Variants in CIT observed in about 807,000 individuals in gnomAD.
The protein encoded by CIT is citron rho-interacting serine/threonine kinase.
CIT carries 79 observed loss-of-function variants against 272.7 expected under a neutral mutation model. The ratio of observed to expected loss-of-function variants is 0.29; its 90% CI spans 0.24 to 0.35. The LOEUF is 0.35. Among genes scored for constraint, CIT ranks in the 10% least tolerant of loss-of-function variants. The pLI is 1.00. For synonymous variants in CIT, 948 were observed against 995.6 expected, an observed-to-expected ratio of 0.95 and a Z score of 0.90; for missense variants, 1,909 against 2,618.3, an observed-to-expected ratio of 0.73 and a Z score of 5.91.
chr12:119,754,811 C>T lies in CIT; in HGVS notation c.2706+2560G>A, dbSNP rs58145136. Among the ~76,000 whole-genome samples the T allele has an allele frequency of 4.1e-3, 626 of 152,316 alleles. 3 individuals carry two copies. Among genetic ancestry groups the T allele is most frequent in the African/African-American group, 0.015 (603 of 41,558 alleles). On this transcript the variant is annotated intron_variant, in intron 22 of 47. Coordinates refer to ENST00000392521, the MANE Select transcript of CIT (RefSeq NM_001206999.2). The stretch of plus-strand genomic sequence containing the variant: ...TCTCTTACCATCCTTGAGGGGCTGG[C>T]TCTACTGATTCAAGTGAAAAACAAC...
chr12:119,783,611 G>A, intron 12 of CIT: 1 of 235,330 alleles, frequency 4.2e-6, no homozygotes, highest in Non-Finnish European at 8.3e-6. Context: ...GCTGGGATGG[G>A]AGATGTTAAG....
At chr12:119,705,844 C>A (rs1386300201) in intron 40 of CIT, among the ~76,000 whole-genome samples, 1 of 145,374 alleles carries the variant, frequency 6.9e-6, no homozygotes, top group Non-Finnish European at 1.5e-5. Flanking sequence ...AATCCCAGCA[C>A]TTTGGGAGGC....
intron 47 of CIT, among the ~76,000 whole-genome samples, chr12:119,689,217 A>G (rs557440274): frequency 6.7e-4 from 99 of 146,896 alleles, no homozygotes; most frequent in African/African-American, 2.3e-3. Context: ...AAACAAACAA[A>G]AAGTGGGGGA....
chr12:119,701,823 G>A, intron 42 of CIT, 27 bp downstream of exon 42: 1 of 1,613,998 alleles, frequency 6.2e-7, no homozygotes, highest in Non-Finnish European at 8.5e-7. Context: ...AGCCATGGGT[G>A]GGTGCGAAAG....
At chr12:119,737,472 G>A (rs752422935) in intron 24 of CIT, among the ~76,000 whole-genome samples, 27 of 151,886 alleles carry the variant, frequency 1.8e-4, no homozygotes, top group African/African-American at 5.3e-4. Context: ...TTTGATTCAC[G>A]AAAAAAATGC....
intron 22 of CIT, among the ~76,000 whole-genome samples, chr12:119,752,948 A>G (rs1266560122): frequency 6.6e-6 from 1 of 152,238 alleles, no homozygotes; most frequent in African/African-American, 2.4e-5. Flanking sequence ...GGGATGTTGC[A>G]GGAATACCGC....
chr12:119,788,479 C>T (rs1347923758), intron 10 of CIT, among the ~76,000 whole-genome samples: 1 of 152,140 alleles, frequency 6.6e-6, no homozygotes, highest in African/African-American at 2.4e-5. Context: ...GATGACAACA[C>T]AGGTCACAGC....
Position 119,822,973 on chromosome 12 carries a change from GCTGTTCC to G in CIT, c.958-7_958-1del. 1 of 1,600,070 alleles carries G rather than the reference GCTGTTCC, an allele frequency of 6.2e-7. No homozygotes were observed. The highest frequency in any genetic ancestry group is 1.8e-5 in the Admixed American group (1 of 56,004). The stretch of plus-strand genomic sequence containing the variant: ...GGGTCATCTGGAAATTTCAAAAACC[GCTGTTCC>G]AAAAAAAATAAGAGAATTATTTCCT... On this transcript the variant is annotated splice_acceptor_variant and splice_polypyrimidine_tract_variant and intron_variant, in intron 8 of 47. Transcript: ENST00000392521. LOFTEE classifies it high-confidence loss of function.
Position 119,712,098 on chromosome 12 carries a change from T to C in CIT, c.4854+80A>G, listed in dbSNP as rs1316168185. On this transcript the variant is annotated intron_variant, in intron 37 of 47. Coordinates refer to ENST00000392521, the MANE Select transcript of CIT (RefSeq NM_001206999.2). The surrounding 1 kb of genome is among the most constrained non-coding windows in gnomAD (Gnocchi z 5.2). ...GCCTGAGGGGAATCAAAATGGCCAATGGGATTCTCGTCGTTAACACCAGTT... is the reference window on the plus strand; with the variant it reads ...GCCTGAGGGGAATCAAAATGGCCAACGGGATTCTCGTCGTTAACACCAGTT... 1 of 1,379,046 alleles carries C rather than the reference T, an allele frequency of 7.3e-7. No homozygotes were observed. The highest frequency in any genetic ancestry group is 9.9e-7 in the Non-Finnish European group (1 of 1,008,032). 85.4% of individuals were successfully genotyped at this position (1,379,046 alleles called of 1,614,324 possible).
rs550421127 is a variant in CIT, at chr12:119,792,296, G to A, written c.1296-7231C>T. ...GAATGAGTATACTTGAAGCCAAAAT[G>A]AGGGGACTCAAAATTAGCTCAGCTG... On this transcript the variant is annotated intron_variant, in intron 10 of 47. Coordinates refer to ENST00000392521, the MANE Select transcript of CIT (RefSeq NM_001206999.2). 2.3e-3 allele frequency among the ~76,000 whole-genome samples: 354 copies of A among 152,248 alleles called. 2 individuals are homozygous for A. The highest frequency in any genetic ancestry group is 8.1e-3 in the African/African-American group (336 of 41,528).
At chr12:119,711,072 C>G (rs773237316) in intron 37 of CIT, 1 of 1,366,840 alleles carries the variant, frequency 7.3e-7, no homozygotes, top group Non-Finnish European at 9.8e-7. Flanking sequence ...GGCAGAAGCT[C>G]GTAAGAAACA....
chr12:119,810,970 A>G (rs1966842954), intron 9 of CIT, among the ~76,000 whole-genome samples: 1 of 152,196 alleles, frequency 6.6e-6, no homozygotes, highest in Admixed American at 6.5e-5. Context: ...CAAGCCCTCT[A>G]GTTTCTCCCC....
intron 7 of CIT, among the ~76,000 whole-genome samples, chr12:119,830,908 C>T (rs1344197954): frequency 7.9e-5 from 12 of 152,152 alleles, no homozygotes; most frequent in Admixed American, 6.5e-5. Flanking sequence ...GTTCTGTCGC[C>T]CAGGCTGGAA....
intron 10 of CIT, among the ~76,000 whole-genome samples, chr12:119,789,056 G>A (rs1248896549): frequency 2.6e-5 from 4 of 152,160 alleles, no homozygotes; most frequent in East Asian, 1.9e-4. Context: ...GGTCCTCAAT[G>A]CAAGTACACA....
chr12:119,702,092 A>T, intron 41 of CIT, 134 bp from the exon 42 acceptor site: 5 of 655,266 alleles, frequency 7.6e-6, no homozygotes, highest in Non-Finnish European at 1.3e-5. Context: ...TCACGTTGTC[A>T]TAGAGAGCCA....
chr12:119,770,241 T>C lies in CIT; in HGVS notation c.2208+544A>G, dbSNP rs1057254708. On this transcript the variant is annotated intron_variant, in intron 18 of 47. Transcript: ENST00000392521. This position sits in a 1 kb window ranked among gnomAD's most constrained non-coding sequence, Gnocchi z 4.4. ...CTACAGACCCTAAAAAAAGACCTGC[T>C]ATATCTAAGGAAATTGAAAAAATAA... Among the ~76,000 whole-genome samples the C allele has an allele frequency of 5.3e-5, 8 of 152,152 alleles. No homozygotes were observed. Among genetic ancestry groups the C allele is most frequent in the Non-Finnish European group, 2.9e-5 (2 of 68,020 alleles).
intron 9 of CIT, among the ~76,000 whole-genome samples, chr12:119,820,200 T>G (rs1269774875): frequency 6.6e-6 from 1 of 152,224 alleles, no homozygotes; most frequent in African/African-American, 2.4e-5. Context: ...AATGTACCAA[T>G]ATTAGTTTTG....
intron 2 of CIT, among the ~76,000 whole-genome samples, 154 bp from the exon 3 acceptor site, chr12:119,869,355 T>C (rs559591544): frequency 6.6e-6 from 1 of 152,332 alleles, no homozygotes; most frequent in Non-Finnish European, 1.5e-5. Context: ...TAAAGCAACG[T>C]CAACTGACAG....
At chr12:119,783,818 T>C (rs1257843153) in intron 12 of CIT, 90 bp downstream of exon 12, 5 of 1,443,688 alleles carry the variant, frequency 3.5e-6, no homozygotes, top group Non-Finnish European at 4.7e-6. Context: ...TTGGCTGTGA[T>C]GTGCCTCATG....
Sources: gnomAD v4.1 joint callset for allele counts (sites outside exome capture counted in the v4.1 genomes callset) on GRCh38, gnomAD v4.1.1 for gene constraint, Gnocchi (gnomAD v3.1) non-coding constraint, MANE v1.5 for transcripts, NCBI Gene and HGNC (gene_info 2026-07-23, HGNC 2026-07-21) for gene names.